Variants in JCAD observed in about 807,000 individuals in gnomAD.
The protein encoded by JCAD is junctional cadherin 5 associated, also known as junctional cadherin 5-associated protein.
JCAD carries 40 observed loss-of-function variants against 98.0 expected under a neutral mutation model. The ratio of observed to expected loss-of-function variants is 0.41; its 90% CI spans 0.32 to 0.53. JCAD has a LOEUF of 0.53. Ranked by LOEUF, JCAD falls within the 20% of genes least tolerant of loss-of-function variation. JCAD has a pLI of 0.31. For synonymous variants in JCAD, 691 were observed against 682.3 expected (o/e 1.01, Z -0.20); for missense variants, 1,705 against 1,738.1 (o/e 0.98, Z 0.34).
rs1836939485 is a variant in JCAD at position 30,029,503 on chromosome 10, A to G, written c.645T>C (p.Ile215=). 6.2e-7 allele frequency: 1 copy of G among 1,614,076 alleles called. No homozygotes were observed. Among genetic ancestry groups the G allele is most frequent in the African/African-American group, 1.3e-5 (1 of 74,922 alleles). Residue 215 remains isoleucine (I), a synonymous_variant, in exon 3 of 4, where the codon ATT becomes ATC. Transcript: ENST00000375377. ...ERLFQDLYPF[I]QGEHVLNSQN... is the part of the protein sequence containing the mutation. ...GAGAATTCAACACATGTTCTCCTTG[A>G]ATGAATGGGTACAGGTCTTGAAACA... is the stretch of plus-strand genomic sequence containing the variant.
intron 1 of JCAD, among the ~76,000 whole-genome samples, chr10:30,071,358 T>A (rs1837886865): frequency 6.6e-6 from 1 of 152,188 alleles, no homozygotes; most frequent in African/African-American, 2.4e-5. Flanking sequence ...AAAGAGGCAC[T>A]AGCATGTGGG....
rs188535772 is a variant in JCAD at position 30,109,709 on chromosome 10, G to A, written n.128+5658C>T. Among the ~76,000 whole-genome samples, 19 of 152,282 alleles carry A rather than the reference G, an allele frequency of 1.2e-4. 1 individual carries two copies. In the East Asian group the frequency reaches 1.9e-3, roughly 15 times the overall value. On this transcript the variant is annotated intron_variant and non_coding_transcript_variant, in intron 1 of 2. Transcript: ENST00000465712. The stretch of plus-strand genomic sequence containing the variant: ...TATGATTTGCCATGGCAGCATCGGC[G>A]GGATGTGGGGAGGATAAATAATATG...
At chr10:30,045,593 G>A (rs990511497) in intron 2 of JCAD, among the ~76,000 whole-genome samples, 1 of 152,180 alleles carries the variant, frequency 6.6e-6, no homozygotes, top group African/African-American at 2.4e-5. Context: ...CGTTTGTGTG[G>A]TAGTCACTAA....
intron 1 of JCAD, among the ~76,000 whole-genome samples, chr10:30,049,182 T>A (rs1007459058): frequency 1.3e-5 from 2 of 152,176 alleles, no homozygotes; most frequent in African/African-American, 4.8e-5. Flanking sequence ...CCACCACTGC[T>A]TCTACGGGGG....
chr10:30,097,446 T>A (rs1032311234), intron 1 of JCAD, among the ~76,000 whole-genome samples: 6 of 152,122 alleles, frequency 3.9e-5, no homozygotes, highest in African/African-American at 1.2e-4. Flanking sequence ...ATCAGATGCA[T>A]CCAATTAGAA....
At chr10:30,051,089 A>C (rs2478833) in intron 1 of JCAD, among the ~76,000 whole-genome samples, 60,779 of 152,094 alleles carry the variant, frequency 0.4, 13,426 homozygotes, top group Non-Finnish European at 0.5. Context: ...TTTCTTCCTT[A>C]ACATCAAAAA....
At chr10:30,114,312 G>C (rs775160835) in intron 1 of JCAD, among the ~76,000 whole-genome samples, 1 of 152,148 alleles carries the variant, frequency 6.6e-6, no homozygotes, top group African/African-American at 2.4e-5. Context: ...CTTTGAAACT[G>C]TCTTCCCCCA....
intron 2 of JCAD, among the ~76,000 whole-genome samples, chr10:30,066,235 G>A (rs1176721430): frequency 6.6e-6 from 1 of 152,190 alleles, no homozygotes; most frequent in African/African-American, 2.4e-5. Flanking sequence ...AACCTACAAT[G>A]CTGGGGACCA....
chr10:30,045,041 T>A (rs1837308669), intron 2 of JCAD, among the ~76,000 whole-genome samples: 1 of 152,178 alleles, frequency 6.6e-6, no homozygotes, highest in Admixed American at 6.5e-5. Flanking sequence ...AACTCTGTCA[T>A]CTGTATGAAA....
chr10:30,013,267 A>C lies in JCAD; in HGVS notation c.*4616T>G, dbSNP rs1354908536. On this transcript the variant is annotated 3_prime_UTR_variant, in exon 4 of 4. Coordinates refer to ENST00000375377, the MANE Select transcript of JCAD (RefSeq NM_020848.4). ...TGAGGCTGCAGTGAGCCGTGACTGC[A>C]CCACTGCACTCCAGGCTGGGCAACA... The C allele has an allele frequency of 3.3e-5, 5 of 152,216 alleles. No individual in the cohort carries two copies. Among genetic ancestry groups the C allele is most frequent in the Admixed American group, 2.6e-4 (4 of 15,274 alleles). 9.4% of individuals were successfully genotyped at this position (152,216 alleles called of 1,614,324 possible). A position where few individuals can be genotyped will look rare whatever the true frequency, so the allele number is the denominator to read the frequency against.
rs780771035 is a variant in JCAD at position 30,029,098 on chromosome 10, C to A, written c.1050G>T (p.Pro350=). 34 of 1,613,940 alleles carry A rather than the reference C, an allele frequency of 2.1e-5. No homozygotes were observed. Among genetic ancestry groups the A allele is most frequent in the Non-Finnish European group, 2.8e-5 (33 of 1,180,020 alleles). ...CCAAGTAGGGGTTTGGGATGTTCTG[C>A]GGGGGCGATCTGTATGAGGGCGGAG... The part of the protein sequence containing the change: ...YVPPPSYRSP[P]QNIPNPYLED... Residue 350 remains proline (P), a synonymous_variant, in exon 3 of 4, where the codon CCG becomes CCT. Transcript: ENST00000375377.
chr10:30,070,485 G>C (rs903140549), intron 1 of JCAD, among the ~76,000 whole-genome samples: 5 of 152,180 alleles, frequency 3.3e-5, no homozygotes, highest in African/African-American at 1.2e-4. Context: ...AGTCAGCAGG[G>C]AACTACGTGC....
At position 30,027,327 on chromosome 10, in the gene JCAD, C is replaced by T. The variant is rs757711110; in HGVS notation, c.2821G>A (p.Gly941Ser). 1 of 1,613,356 alleles carries T rather than the reference C, an allele frequency of 6.2e-7. No homozygotes were observed. Among genetic ancestry groups the T allele is most frequent in the Non-Finnish European group, 8.5e-7 (1 of 1,180,052 alleles). Residue 941 changes from glycine to serine, a missense_variant, in exon 3 of 4, where the codon GGC (glycine) becomes AGC (serine). By Grantham distance (56) the Gly-to-Ser change is moderately conservative. Around this residue, in one of 3 missense-constraint regions of JCAD, gnomAD observed 1,278 missense variants for 1,243.1 expected, o/e 1.03. Coordinates refer to ENST00000375377, the MANE Select transcript of JCAD (RefSeq NM_020848.4). ...TCTGCTGAGCAGAAAGGTGCACCGC[C>T]ACCTTCTTCCACGCGAAAGCGGCCC... ...SPGRFRVEEGGGAPFCSADGS... is the reference protein window; with the variant it reads ...SPGRFRVEEGSGAPFCSADGS...
chr10:30,107,569 A>T (rs953033984), intron 1 of JCAD, among the ~76,000 whole-genome samples: 1 of 152,222 alleles, frequency 6.6e-6, no homozygotes, highest in African/African-American at 2.4e-5. Flanking sequence ...AGAGGTAACG[A>T]TAAGTACAAT....
chr10:30,063,252 ATG>A (rs1229803274), upstream of JCAD, among the ~76,000 whole-genome samples: 3 of 151,976 alleles, frequency 2.0e-5, no homozygotes, highest in African/African-American at 7.3e-5. Context: ...CCCTGGGAGC[ATG>A]TGCCAGGATC....
chr10:30,039,582 C>G (rs973286518), intron 2 of JCAD, among the ~76,000 whole-genome samples: 4 of 152,170 alleles, frequency 2.6e-5, no homozygotes, highest in African/African-American at 9.7e-5. Flanking sequence ...GCTGAGAAAA[C>G]AATGTCTGTG....
Position 30,099,517 on chromosome 10 carries a change from A to C in JCAD, n.128+15850T>G, listed in dbSNP as rs564101305. Among the ~76,000 whole-genome samples the C allele has an allele frequency of 3.3e-5, 5 of 152,228 alleles. No homozygotes were observed. The South Asian group carries it at 1.0e-3, about 32-fold the overall frequency. Reference sequence around the variant, plus strand: ...GTGAAGCACTTATTATGTTCCAGGCACTGTGCTAGGGAAACAGCATGAATA... The same window carrying C: ...GTGAAGCACTTATTATGTTCCAGGCCCTGTGCTAGGGAAACAGCATGAATA... On this transcript the variant is annotated intron_variant and non_coding_transcript_variant, in intron 1 of 2. Coordinates refer to the JCAD transcript ENST00000465712.
intron 1 of JCAD, among the ~76,000 whole-genome samples, chr10:30,099,657 A>G (rs1351006991): frequency 6.6e-6 from 1 of 152,090 alleles, no homozygotes; most frequent in African/African-American, 2.4e-5. Context: ...TCTACAAATA[A>G]TCTTTATGCC....
chr10:30,063,257 C>T (rs935240491), upstream of JCAD, among the ~76,000 whole-genome samples: 1 of 151,990 alleles, frequency 6.6e-6, no homozygotes, highest in African/African-American at 2.4e-5. Flanking sequence ...GGAGCATGTG[C>T]CAGGATCCAG....
Sources: gnomAD v4.1 joint callset for allele counts (sites outside exome capture counted in the v4.1 genomes callset) on GRCh38, gnomAD v4.1.1 for gene constraint, gnomAD v4.1.1 regional missense constraint, MANE v1.5 for transcripts, NCBI Gene and HGNC (gene_info 2026-07-23, HGNC 2026-07-21) for gene names.